FRMD3: variants seen among roughly 807,000 people sequenced by gnomAD.
FRMD3 encodes the protein FERM domain-containing protein 3.
FRMD3 carries 33 observed loss-of-function variants against 70.2 expected under a neutral mutation model. The observed-to-expected ratio is 0.47, with a 90% CI of 0.36 to 0.63. FRMD3 has a LOEUF of 0.63. Ranked by LOEUF, FRMD3 falls within the 20% of genes least tolerant of loss-of-function variation. The pLI, the probability that FRMD3 is intolerant of heterozygous loss-of-function variation, is 0.00. For missense variants in FRMD3, 632 were observed against 711.4 expected, an observed-to-expected ratio of 0.89 and a Z score of 1.27; for synonymous variants, 279 against 255.9, an observed-to-expected ratio of 1.09 and a Z score of -0.86.
intron 13 of FRMD3, among the ~76,000 whole-genome samples, chr9:83,254,477 A>G (rs1189769176): frequency 6.6e-6 from 1 of 152,052 alleles, no homozygotes. Flanking sequence ...TAAAAGAACT[A>G]GAGAACCAAG....
chr9:83,459,689 C>T (rs986553860), intron 1 of FRMD3, among the ~76,000 whole-genome samples: 1 of 152,244 alleles, frequency 6.6e-6, no homozygotes, highest in African/African-American at 2.4e-5. Flanking sequence ...CCTCAGAAGT[C>T]AGCTGGGTTG....
chr9:83,508,380 G>A lies in FRMD3; in HGVS notation c.147+29705C>T, dbSNP rs139809675. 4.6e-5 allele frequency among the ~76,000 whole-genome samples: 7 copies of A among 152,212 alleles called. No individual in the cohort carries two copies. The East Asian group carries it at 5.8e-4, about 13-fold the overall frequency. ...ACTTTATAAAAACATCATGCTGTAC[G>A]CACACATATAACTTTGCATACTTTA... On this transcript the variant is annotated intron_variant, in intron 1 of 13. Coordinates refer to ENST00000304195, the MANE Select transcript of FRMD3 (RefSeq NM_174938.6).
At chr9:83,484,996 T>G (rs750088515) in intron 1 of FRMD3, among the ~76,000 whole-genome samples, 3 of 152,248 alleles carry the variant, frequency 2.0e-5, no homozygotes, top group Non-Finnish European at 4.4e-5. Flanking sequence ...CTTCCATGTG[T>G]ACTGGAGGTC....
intron 3 of FRMD3, among the ~76,000 whole-genome samples, chr9:83,366,798 A>G (rs773466482): frequency 6.6e-6 from 1 of 152,224 alleles, no homozygotes; most frequent in Non-Finnish European, 1.5e-5. Flanking sequence ...AACATACAAC[A>G]TCTGTCCTCT....
intron 1 of FRMD3, among the ~76,000 whole-genome samples, chr9:83,529,700 A>G (rs191009402): frequency 7.2e-4 from 109 of 152,354 alleles, no homozygotes; most frequent in Non-Finnish European, 1.2e-3. Context: ...CAAGAAAGTA[A>G]AAGATATCCC....
intron 6 of FRMD3, among the ~76,000 whole-genome samples, chr9:83,326,743 A>G (rs1836034708): frequency 6.6e-6 from 1 of 152,264 alleles, no homozygotes; most frequent in Admixed American, 6.5e-5. Flanking sequence ...TTGCATCAGG[A>G]AATGTTCCAC....
intron 1 of FRMD3, among the ~76,000 whole-genome samples, chr9:83,404,072 A>G (rs993945975): frequency 5.4e-5 from 8 of 148,440 alleles, no homozygotes; most frequent in African/African-American, 2.0e-4. Flanking sequence ...ACACACGCAC[A>G]CACACACACA....
chr9:83,377,999 C>A (rs1245597184), intron 2 of FRMD3, among the ~76,000 whole-genome samples: 2 of 152,092 alleles, frequency 1.3e-5, no homozygotes, highest in African/African-American at 4.8e-5. Context: ...GTGGTCAGAC[C>A]TAGGAGCCAG....
At chr9:83,264,582 T>G (rs1390466640) in intron 13 of FRMD3, among the ~76,000 whole-genome samples, 2 of 152,134 alleles carry the variant, frequency 1.3e-5, no homozygotes. Flanking sequence ...TGTGGAAAAT[T>G]TCTATGCCTT....
chr9:83,317,979 C>G (rs113085154), intron 6 of FRMD3, among the ~76,000 whole-genome samples: 1 of 152,206 alleles, frequency 6.6e-6, no homozygotes, highest in Non-Finnish European at 1.5e-5. Context: ...CCAGTAACCA[C>G]GACTCCAACC....
chr9:83,255,091 G>C (rs375235711), intron 13 of FRMD3, among the ~76,000 whole-genome samples: 61 of 151,884 alleles, frequency 4.0e-4, no homozygotes, highest in African/African-American at 1.4e-3. Context: ...AGTAAACTTC[G>C]GGCCAATATC....
intron 1 of FRMD3, among the ~76,000 whole-genome samples, chr9:83,496,622 TG>T (rs1317928046): frequency 1.4e-5 from 2 of 142,208 alleles, no homozygotes; most frequent in Non-Finnish European, 3.0e-5. Flanking sequence ...AGTACATCCA[TG>T]TAAGTTCCCC....
At chr9:83,389,578 G>A in intron 2 of FRMD3, 26 bp downstream of exon 2, 1 of 1,502,666 alleles carries the variant, frequency 6.7e-7, no homozygotes, top group Non-Finnish European at 9.3e-7. Context: ...CCCTGAAAAT[G>A]GCTCCAGATA....
intron 1 of FRMD3, among the ~76,000 whole-genome samples, chr9:83,405,390 C>T (rs900247579): frequency 6.6e-6 from 1 of 152,048 alleles, no homozygotes; most frequent in Non-Finnish European, 1.5e-5. Flanking sequence ...TACATCTGAA[C>T]CCAATCAGCT....
At chr9:83,329,352 G>A (rs1013884808) in intron 6 of FRMD3, among the ~76,000 whole-genome samples, 1 of 152,188 alleles carries the variant, frequency 6.6e-6, no homozygotes, top group African/African-American at 2.4e-5. Context: ...ATGACAAAGA[G>A]AAAACTCATC....
At chr9:83,540,408 GA>G (rs1402074082), upstream of FRMD3, among the ~76,000 whole-genome samples, 1 of 152,180 alleles carries the variant, frequency 6.6e-6, no homozygotes, top group South Asian at 2.1e-4. Context: ...GGACAGTAGT[GA>G]AAAAGACAGA....
rs527252612 is a variant in FRMD3 at position 83,484,381 on chromosome 9, T to C, written c.147+53704A>G. ...GCCGGGGAAGACAGATTGTGAGTCC[T>C]ACATAGACATGGGTACTTTACAAAT... On this transcript the variant is annotated intron_variant, in intron 1 of 13. Coordinates refer to ENST00000304195, the MANE Select transcript of FRMD3 (RefSeq NM_174938.6). Among the ~76,000 whole-genome samples, 9 of 152,366 alleles carry C rather than the reference T, an allele frequency of 5.9e-5. No homozygotes were observed. In the South Asian group the frequency reaches 1.9e-3, roughly 32 times the overall value.
intron 1 of FRMD3, among the ~76,000 whole-genome samples, chr9:83,511,048 A>G (rs111584432): frequency 0.014 from 2,061 of 152,284 alleles, 57 homozygotes; most frequent in African/African-American, 0.047. Context: ...CAAAAAAGAG[A>G]TGTGGGAGGA....
intron 2 of FRMD3, among the ~76,000 whole-genome samples, chr9:83,384,516 T>C (rs1368503773): frequency 1.3e-5 from 2 of 152,218 alleles, no homozygotes; most frequent in African/African-American, 2.4e-5. Context: ...GGTCTTTTCC[T>C]GTTATTAATA....
Sources: allele counts gnomAD v4.1 joint callset (sites outside exome capture counted in the v4.1 genomes callset), GRCh38; gene constraint gnomAD v4.1.1; transcripts MANE v1.5; gene names NCBI Gene and HGNC (gene_info 2026-07-23, HGNC 2026-07-21).